The following TRIM2 variants were observed in gnomAD, a reference collection of about 807,000 sequenced individuals.
The protein encoded by TRIM2 is tripartite motif-containing protein 2.
TRIM2 carries 20 observed loss-of-function variants against 75.2 expected under a neutral mutation model. The ratio of observed to expected loss-of-function variants is 0.27; its 90% CI spans 0.19 to 0.39. The LOEUF (loss-of-function observed/expected upper bound fraction) is 0.39. TRIM2 is among the 10% of genes least tolerant of loss of function. The probability of loss-of-function intolerance (pLI) is 1.00; values close to 1 mark genes in which losing one functional copy is unlikely to be tolerated. For synonymous variants in TRIM2, 373 were observed against 388.3 expected (o/e 0.96, Z 0.46); for missense variants, 660 against 990.8 (o/e 0.67, Z 4.48).
Position 153,178,685 on chromosome 4 carries a change from C to A in TRIM2, c.-49+25415C>A, listed in dbSNP as rs535554510. ...AGACTCATGCATCCTGTAGCCTTCT[C>A]TTAGAGATTCACAATGCACATTAAT... On this transcript the variant is annotated intron_variant, in intron 1 of 11. Coordinates refer to the TRIM2 transcript ENST00000437508. Among the ~76,000 whole-genome samples, 3 of 152,308 alleles carry A rather than the reference C, an allele frequency of 2.0e-5. No individual in the cohort carries two copies. The East Asian group carries it at 5.8e-4, about 29-fold the overall frequency.
chr4:153,184,371 G>C (rs1417660178), intron 1 of TRIM2, among the ~76,000 whole-genome samples: 2 of 152,070 alleles, frequency 1.3e-5, no homozygotes, highest in Non-Finnish European at 2.9e-5. Context: ...CACATGCTCT[G>C]ATGGCTCTTC....
At position 153,153,749 on chromosome 4, in the gene TRIM2, C is replaced by T. The variant is rs1728955913; in HGVS notation, c.-49+479C>T. On this transcript the variant is annotated intron_variant, in intron 1 of 11. Coordinates refer to the TRIM2 transcript ENST00000437508. ...TGCAGGGACACGGGCGTGGCGGCGT[C>T]TCAGGGAGCGGCGCGCATCGCTGAG... Among the ~76,000 whole-genome samples, 3 of 152,216 alleles carry T rather than the reference C, an allele frequency of 2.0e-5. No individual in the cohort carries two copies. The South Asian group carries it at 6.2e-4, about 31-fold the overall frequency.
rs1298153442 is a variant in TRIM2 at position 153,335,525 on chromosome 4, T to C, written c.*559T>C. 1 of 985,330 alleles carries C rather than the reference T, an allele frequency of 1.0e-6. No individual in the cohort carries two copies. Among genetic ancestry groups the C allele is most frequent in the African/African-American group, 1.7e-5 (1 of 57,246 alleles). 61.0% of individuals were successfully genotyped at this position (985,330 alleles called of 1,614,324 possible). ...CTGTCTTGCAAAATGATCCCAGCTC[T>C]GATTAGCAGCCCTCTGGAGTTCAGA... is the stretch of plus-strand genomic sequence containing the variant. On this transcript the variant is annotated 3_prime_UTR_variant, in exon 12 of 12. Transcript: ENST00000338700.
At chr4:153,211,376 A>G (rs1470351321) in intron 1 of TRIM2, among the ~76,000 whole-genome samples, 1 of 152,202 alleles carries the variant, frequency 6.6e-6, no homozygotes, top group African/African-American at 2.4e-5. Flanking sequence ...CTCCTTGATA[A>G]AAGAAACTAC....
At position 153,197,505 on chromosome 4, in the gene TRIM2, G is replaced by T. The variant is rs1011411685; in HGVS notation, c.-49+44235G>T. On this transcript the variant is annotated intron_variant, in intron 1 of 11. Transcript: ENST00000437508. ...CCATCACTGAAATCCCAGCCCCCAA[G>T]GTGATGGTCTTAGGAGGTGGGGCGT... is the stretch of plus-strand genomic sequence containing the variant. Among the ~76,000 whole-genome samples the T allele has an allele frequency of 3.9e-5, 6 of 152,274 alleles. No individual in the cohort carries two copies. In the South Asian group the frequency reaches 1.2e-3, roughly 32 times the overall value.
intron 8 of TRIM2, among the ~76,000 whole-genome samples, chr4:153,321,525 C>T (rs1435464286): frequency 6.6e-6 from 1 of 152,140 alleles, no homozygotes; most frequent in East Asian, 1.9e-4. Flanking sequence ...TGCTTTTCCC[C>T]TATTTTAAAA....
rs192359964 is a variant in TRIM2 at position 153,244,135 on chromosome 4, C to G, written c.31-26200C>G. Among the ~76,000 whole-genome samples the G allele has an allele frequency of 7.7e-4, 109 of 142,188 alleles. 4 individuals are homozygous for G. Among genetic ancestry groups the G allele is most frequent in the African/African-American group, 2.2e-3 (86 of 38,676 alleles). 93.3% of individuals were successfully genotyped at this position (142,188 alleles called of 152,430 possible). A position where few individuals can be genotyped will look rare whatever the true frequency, so the allele number is the denominator to read the frequency against. ...GTGCCACTGCCATCTTCTTCTTCTT[C>G]TTCTTCTTGTTCTTCTTGTTCTTCT... On this transcript the variant is annotated intron_variant, in intron 1 of 11. Coordinates refer to ENST00000338700, the MANE Select transcript of TRIM2 (RefSeq NM_015271.5).
intron 1 of TRIM2, among the ~76,000 whole-genome samples, chr4:153,159,436 GACC>G (rs1167556002): frequency 6.6e-6 from 1 of 151,450 alleles, no homozygotes; most frequent in Non-Finnish European, 1.5e-5. Context: ...AAGTAGCTGG[GACC>G]ACAAGTGTGC....
chr4:153,316,873 CTTTTTT>C (rs11397245), intron 8 of TRIM2, among the ~76,000 whole-genome samples: 37 of 61,580 alleles, frequency 6.0e-4, no homozygotes, highest in East Asian at 3.0e-3. Flanking sequence ...TGCATTATGC[CTTTTTT>C]TTTTTTTTTT....
In TRIM2 at chr4:153,334,882, A is replaced by G. The variant is rs552041512; in HGVS notation, c.2232A>G (p.Gln744=). The change falls in exon 12 of 12, where the codon CAA becomes CAG. Residue 744 remains glutamine (Q), a synonymous_variant. Transcript: ENST00000338700. The part of the protein sequence containing the change: ...NTSADPLYGP[Q]GLALTSDGHV... ...CTGCTGACCCACTCTATGGCCCCCA[A>G]GGCCTGGCCCTAACTTCAGATGGTC... The G allele has an allele frequency of 1.2e-6, 2 of 1,614,094 alleles. No homozygotes were observed. The highest frequency in any genetic ancestry group is 2.7e-5 in the African/African-American group (2 of 75,052).
intron 1 of TRIM2, among the ~76,000 whole-genome samples, chr4:153,264,186 C>T (rs1241556463): frequency 6.6e-6 from 1 of 152,148 alleles, no homozygotes; most frequent in Admixed American, 6.5e-5. Context: ...TGTTTGTTTT[C>T]CACAGACAGG....
At chr4:153,324,340 G>A (rs1359638724) in intron 10 of TRIM2, 192 bp downstream of exon 10, 4 of 426,224 alleles carry the variant, frequency 9.4e-6, no homozygotes, top group South Asian at 7.2e-5. Context: ...TGAATAAAAT[G>A]TGGTGGCAAT....
Position 153,260,696 on chromosome 4 carries a change from C to CACACACACACA in TRIM2, c.31-9639_31-9638insACACACACACA, listed in dbSNP as rs1560902840. ...CACACCCACCCACACACCCACCCCC[C>CACACACACACA]CCCCCACACACACACACACACACAC... On this transcript the variant is annotated intron_variant, in intron 1 of 11. Coordinates refer to ENST00000338700, the MANE Select transcript of TRIM2 (RefSeq NM_015271.5). 6.9e-3 allele frequency among the ~76,000 whole-genome samples: 401 copies of CACACACACACA among 58,044 alleles called. 27 individuals carry two copies. Among genetic ancestry groups the CACACACACACA allele is most frequent in the African/African-American group, 0.022 (376 of 17,306 alleles). The allele number at this position is 58,044 out of a possible 152,430, so 38.1% of individuals were successfully genotyped here.
In TRIM2 at chr4:153,277,128, G is replaced by C. The variant is rs2196878; in HGVS notation, c.453+998G>C. 4.4e-4 allele frequency among the ~76,000 whole-genome samples: 67 copies of C among 152,296 alleles called. 1 individual carries two copies. The East Asian group carries it at 0.013, about 29-fold the overall frequency. The stretch of plus-strand genomic sequence containing the variant: ...TACTGTTTGTTTACCTCATCTCCCA[G>C]CATTCTCTCTGCACACTGTGCTGGA... On this transcript the variant is annotated intron_variant, in intron 3 of 11. Transcript: ENST00000338700.
chr4:153,284,105 C>T lies in TRIM2; in HGVS notation c.453+7975C>T, dbSNP rs149836019. Among the ~76,000 whole-genome samples the T allele has an allele frequency of 9.6e-3, 1,462 of 151,798 alleles. 19 individuals carry two copies. The highest frequency in any genetic ancestry group is 0.031 in the African/African-American group (1,297 of 41,412). ...TGTTGGCCAGGCAGGTCTCAAACTC[C>T]TGACCTCAGGTGATCCGCCCACTTC... On this transcript the variant is annotated intron_variant, in intron 3 of 11. Transcript: ENST00000338700.
At chr4:153,324,345 G>A in intron 10 of TRIM2, 197 bp downstream of exon 10, 1 of 403,864 alleles carries the variant, frequency 2.5e-6, no homozygotes, top group Non-Finnish European at 4.3e-6. Context: ...AAAATGTGGT[G>A]GCAATAAGTT....
At chr4:153,204,412 T>G, upstream of TRIM2, 2 of 1,190,794 alleles carry the variant, frequency 1.7e-6, no homozygotes, top group Non-Finnish European at 2.4e-6. Context: ...GACTAGCTGT[T>G]TATATTTTAG....
intron 1 of TRIM2, among the ~76,000 whole-genome samples, chr4:153,192,408 A>AC (rs1235305018): frequency 6.6e-6 from 1 of 152,022 alleles, no homozygotes; most frequent in Non-Finnish European, 1.5e-5. Context: ...GGAGTTTGAG[A>AC]CCAGCCTGGG....
At chr4:153,283,692 A>C (rs1490714789) in intron 3 of TRIM2, among the ~76,000 whole-genome samples, 1 of 143,234 alleles carries the variant, frequency 7.0e-6, no homozygotes, top group Non-Finnish European at 1.5e-5. Flanking sequence ...GCTGGAGTGC[A>C]GTGGCGGAAA....
Sources: gnomAD v4.1 joint callset for allele counts (sites outside exome capture counted in the v4.1 genomes callset) on GRCh38, gnomAD v4.1.1 for gene constraint, MANE v1.5 for transcripts, NCBI Gene and HGNC (gene_info 2026-07-23, HGNC 2026-07-21) for gene names.